PRSS3: variants seen among roughly 807,000 people sequenced by gnomAD.
PRSS3 encodes the protein serine protease 3, also known as trypsin-3.
A neutral mutation model predicts 20.8 loss-of-function variants in PRSS3; 14 were observed. That is an observed-to-expected ratio of 0.67 (90% CI 0.44 to 1.05). PRSS3 has a LOEUF of 1.05. Ranked by LOEUF, PRSS3 falls within the 50% of genes least tolerant of loss-of-function variation. The pLI is 0.00. For missense variants in PRSS3, 237 were observed against 306.4 expected (o/e 0.77, Z 1.69); for synonymous variants, 91 against 117.6 (o/e 0.77, Z 1.46).
At chr9:33,767,054 G>A (rs1472511623) in intron 1 of PRSS3, among the ~76,000 whole-genome samples, 1 of 151,654 alleles carries the variant, frequency 6.6e-6, no homozygotes, top group Non-Finnish European at 1.5e-5. Flanking sequence ...AACTGTCACA[G>A]AAATAAAAAG....
intron 3 of PRSS3, 105 bp from the exon 4 acceptor site, chr9:33,798,381 C>T: frequency 6.5e-7 from 1 of 1,541,874 alleles, no homozygotes; most frequent in Non-Finnish European, 8.9e-7. Context: ...TTGGAGTCCT[C>T]TCCAGAGGCA....
intron 1 of PRSS3, among the ~76,000 whole-genome samples, chr9:33,773,278 T>C (rs1407030691): frequency 6.6e-6 from 1 of 152,174 alleles, no homozygotes; most frequent in Non-Finnish European, 1.5e-5. Flanking sequence ...TCTCCCTAGA[T>C]ATGAAATAAA....
At chr9:33,752,367 T>C (rs1205540044) in intron 1 of PRSS3, among the ~76,000 whole-genome samples, 2 of 152,238 alleles carry the variant, frequency 1.3e-5, no homozygotes, top group Non-Finnish European at 2.9e-5. Context: ...GATCAAAAGA[T>C]TATCTCTTTT....
intron 1 of PRSS3, among the ~76,000 whole-genome samples, chr9:33,760,178 A>G (rs1431047512): frequency 7.3e-6 from 1 of 136,316 alleles, no homozygotes; most frequent in Non-Finnish European, 1.6e-5. Flanking sequence ...AAATATATGT[A>G]AGGTTTTTTT....
At chr9:33,783,889 C>CAAA (rs555198245) in intron 1 of PRSS3, among the ~76,000 whole-genome samples, 17 of 91,256 alleles carry the variant, frequency 1.9e-4, no homozygotes, top group Non-Finnish European at 2.9e-4. Flanking sequence ...GACTTAATCT[C>CAAA]AAAAAAAAAA....
intron 1 of PRSS3, among the ~76,000 whole-genome samples, chr9:33,773,228 G>C (rs974551887): frequency 6.6e-6 from 1 of 152,040 alleles, no homozygotes; most frequent in East Asian, 1.9e-4. Flanking sequence ...GAGAGAGAGA[G>C]AGAAGGAAGG....
At chr9:33,754,076 C>G (rs1270228380) in intron 1 of PRSS3, among the ~76,000 whole-genome samples, 3 of 151,458 alleles carry the variant, frequency 2.0e-5, no homozygotes, top group Admixed American at 2.0e-4. Flanking sequence ...TTTCTTTTCT[C>G]TCTCTGTCTC....
chr9:33,797,979 C>T lies in PRSS3; in HGVS notation c.351C>T (p.Ala117=), dbSNP rs374284479. 6.8e-6 allele frequency: 11 copies of T among 1,614,152 alleles called. No homozygotes were observed. Among genetic ancestry groups the T allele is most frequent in the African/African-American group, 1.3e-5 (1 of 74,964 alleles). The change falls in exon 3 of 5, where the codon GCC becomes GCT. Residue 117 remains alanine (A), a synonymous_variant. Coordinates refer to ENST00000379405, the MANE Select transcript of PRSS3 (RefSeq NM_002771.4). ...DIMLIKLSSP[A]VINARVSTIS... is the part of the protein sequence containing the mutation. The stretch of plus-strand genomic sequence containing the variant: ...TGCTGATCAAACTCTCCTCACCTGC[C>T]GTCATCAATGCCCGCGTGTCCACCA...
At chr9:33,798,298 C>A in intron 3 of PRSS3, 188 bp from the exon 4 acceptor site, 1 of 961,320 alleles carries the variant, frequency 1.0e-6, no homozygotes. Flanking sequence ...TTGCTGTGAT[C>A]ACGTCTTGGG....
chr9:33,758,989 G>T (rs1039038469), intron 1 of PRSS3, among the ~76,000 whole-genome samples: 2 of 152,184 alleles, frequency 1.3e-5, no homozygotes, highest in African/African-American at 4.8e-5. Context: ...AAAAATCATG[G>T]TATGTATAAG....
intron 1 of PRSS3, among the ~76,000 whole-genome samples, chr9:33,765,332 T>A (rs1349599889): frequency 6.6e-6 from 1 of 152,236 alleles, no homozygotes; most frequent in Admixed American, 6.5e-5. Context: ...TAGAACTATA[T>A]GTGTACTAGA....
At chr9:33,786,908 G>C (rs1824434651) in intron 1 of PRSS3, 2 of 609,870 alleles carry the variant, frequency 3.3e-6, no homozygotes, top group Admixed American at 5.7e-5. Flanking sequence ...TGAACCTGAG[G>C]GCCCTGTCAA....
intron 1 of PRSS3, among the ~76,000 whole-genome samples, chr9:33,764,989 A>C (rs949554113): frequency 1.3e-5 from 2 of 152,258 alleles, no homozygotes; most frequent in African/African-American, 4.8e-5. Flanking sequence ...GAAAAAAGAC[A>C]TAACAAGTGT....
At chr9:33,754,128 G>A (rs1822827280) in intron 1 of PRSS3, among the ~76,000 whole-genome samples, 1 of 151,626 alleles carries the variant, frequency 6.6e-6, no homozygotes, top group South Asian at 2.1e-4. Context: ...GTCTCACTCA[G>A]TGGCACAATC....
chr9:33,762,169 A>G (rs1823236859), intron 1 of PRSS3: 2 of 152,220 alleles, frequency 1.3e-5, no homozygotes, highest in African/African-American at 4.8e-5. Context: ...GGGAGGTAAC[A>G]GAGTTCTTTT....
intron 1 of PRSS3, among the ~76,000 whole-genome samples, chr9:33,760,034 T>C (rs1823118738): frequency 6.6e-6 from 1 of 152,190 alleles, no homozygotes; most frequent in Admixed American, 6.5e-5. Context: ...CTTAGTGGCC[T>C]GGCATCTCGG....
intron 1 of PRSS3, among the ~76,000 whole-genome samples, chr9:33,776,630 A>G (rs1232792857): frequency 6.6e-6 from 1 of 152,262 alleles, no homozygotes; most frequent in Admixed American, 6.5e-5. Flanking sequence ...GAATGAGGAA[A>G]GAATAGTATC....
chr9:33,797,726 T>G (rs1318125912), intron 2 of PRSS3, 103 bp from the exon 3 acceptor site: 80 of 1,607,156 alleles, frequency 5.0e-5, no homozygotes, highest in Non-Finnish European at 6.4e-5. Flanking sequence ...ACCCCATGCC[T>G]CCAGAGCTAT....
chr9:33,758,307 T>C (rs1248790098), intron 1 of PRSS3, among the ~76,000 whole-genome samples: 2 of 152,236 alleles, frequency 1.3e-5, no homozygotes, highest in East Asian at 1.9e-4. Context: ...AGACCCATGA[T>C]GAAAGTCTCT....
Sources: allele counts gnomAD v4.1 joint callset (sites outside exome capture counted in the v4.1 genomes callset), GRCh38; gene constraint gnomAD v4.1.1; transcripts MANE v1.5; gene names NCBI Gene and HGNC (gene_info 2026-07-23, HGNC 2026-07-21).